The following CIRSR variants were observed in gnomAD, a reference collection of about 807,000 sequenced individuals.
The protein encoded by CIRSR is corepressor of RBPJ and splicing regulator.
At chr2:174,380,755 T>G in the CIRSR span, 4 of 1,607,186 alleles carry the variant, frequency 2.5e-6, no homozygotes, top group Non-Finnish European at 3.4e-6. Flanking sequence ...TTTTTCCATA[T>G]AATACAATCA....
chr2:174,348,859 T>C, the CIRSR span: 41 of 1,614,236 alleles, frequency 2.5e-5, no homozygotes, highest in East Asian at 8.7e-4. Flanking sequence ...TCCTTGGCTT[T>C]TTCCCGGTTA....
At chr2:174,364,472 A>G in the CIRSR span, among the ~76,000 whole-genome samples, 1 of 152,176 alleles carries the variant, frequency 6.6e-6, no homozygotes, top group Non-Finnish European at 1.5e-5. Context: ...GCAGTGCCCC[A>G]GTACTGCTTA....
chr2:174,381,732 C>A, the CIRSR span: 1 of 1,595,286 alleles, frequency 6.3e-7, no homozygotes, highest in Admixed American at 1.8e-5. Context: ...GGGCTTCATA[C>A]ATGAAATTAA....
the CIRSR span, chr2:174,352,004 T>C: frequency 4.0e-6 from 1 of 247,800 alleles, no homozygotes; most frequent in East Asian, 7.8e-5. Flanking sequence ...TGGTTGGCAG[T>C]TTTTAGTATA....
the CIRSR span, chr2:174,380,612 A>C: frequency 3.9e-6 from 6 of 1,543,890 alleles, no homozygotes; most frequent in Admixed American, 6.9e-5. Context: ...TGTAAACTTA[A>C]TGATACATAT....
chr2:174,351,652 C>A, the CIRSR span: 3 of 1,613,792 alleles, frequency 1.9e-6, no homozygotes, highest in Non-Finnish European at 1.7e-6. Context: ...AGTTTCTCCC[C>A]AGTACATTTC....
chr2:174,392,279 G>A, the CIRSR span, among the ~76,000 whole-genome samples: 1 of 152,210 alleles, frequency 6.6e-6, no homozygotes, highest in Non-Finnish European at 1.5e-5. Flanking sequence ...TTACAGGTGT[G>A]AGCCACCATG....
chr2:174,354,838 A>C, the CIRSR span, among the ~76,000 whole-genome samples: 3 of 140,270 alleles, frequency 2.1e-5, no homozygotes, highest in African/African-American at 8.0e-5. Flanking sequence ...CTCAGCTCAA[A>C]TAATACACCT....
the CIRSR span, among the ~76,000 whole-genome samples, chr2:174,393,557 G>A: frequency 6.6e-6 from 1 of 151,866 alleles, no homozygotes; most frequent in Non-Finnish European, 1.5e-5. Flanking sequence ...TGTTGCCTAT[G>A]CTGGTCTTGA....
chr2:174,387,666 G>T, the CIRSR span: 1 of 1,566,042 alleles, frequency 6.4e-7, no homozygotes, highest in Non-Finnish European at 8.7e-7. Flanking sequence ...AGATATACTG[G>T]CATAACAGAA....
At chr2:174,351,809 T>C in the CIRSR span, 1 of 935,020 alleles carries the variant, frequency 1.1e-6, no homozygotes, top group African/African-American at 1.7e-5. Context: ...CAGTTGAAGC[T>C]TTGTTAAGTA....
the CIRSR span, among the ~76,000 whole-genome samples, chr2:174,373,828 CTGT>C: frequency 1.4e-5 from 2 of 147,830 alleles, no homozygotes; most frequent in Admixed American, 6.7e-5. Context: ...TACTATCCCC[CTGT>C]GTGTGTGTGT....
chr2:174,361,526 G>C, the CIRSR span, among the ~76,000 whole-genome samples: 1 of 152,186 alleles, frequency 6.6e-6, no homozygotes, highest in East Asian at 1.9e-4. Flanking sequence ...CAACACGAAA[G>C]GTTTATGAAA....
At chr2:174,354,414 TATAA>T in the CIRSR span, among the ~76,000 whole-genome samples, 310 of 77,542 alleles carry the variant, frequency 4.0e-3, 3 homozygotes, top group South Asian at 0.017. Context: ...ATATATTATA[TATAA>T]TATATATTAT....
the CIRSR span, chr2:174,349,205 G>A: frequency 1.9e-6 from 2 of 1,054,260 alleles, no homozygotes; most frequent in Admixed American, 6.6e-5. Flanking sequence ...AACAGACTGT[G>A]TGAAAAACAG....
At chr2:174,361,044 G>A in the CIRSR span, among the ~76,000 whole-genome samples, 5 of 152,030 alleles carry the variant, frequency 3.3e-5, no homozygotes, top group Non-Finnish European at 7.4e-5. Flanking sequence ...ATAAAGGAGA[G>A]ACTTATAATC....
At chr2:174,351,588 A>G in the CIRSR span, 1 of 1,553,478 alleles carries the variant, frequency 6.4e-7, no homozygotes, top group Non-Finnish European at 8.9e-7. Flanking sequence ...ATTTATAGAC[A>G]TTTTCAGCTT....
chr2:174,391,791 G>C, the CIRSR span, among the ~76,000 whole-genome samples: 722 of 152,174 alleles, frequency 4.7e-3, 6 homozygotes, highest in African/African-American at 0.016. Flanking sequence ...GCAATAAAAA[G>C]GAAAAAGTAC....
the CIRSR span, chr2:174,395,442 A>T: frequency 1.9e-6 from 2 of 1,079,528 alleles, no homozygotes; most frequent in Non-Finnish European, 2.8e-6. Context: ...AGGCCTAGAG[A>T]AGCGGAGGCT....
Sources: gnomAD v4.1 joint callset for allele counts (sites outside exome capture counted in the v4.1 genomes callset) on GRCh38, gnomAD v4.1.1 for gene constraint, MANE v1.5 for transcripts, NCBI Gene and HGNC (gene_info 2026-07-23, HGNC 2026-07-21) for gene names.